The following TTC3 variants were observed in gnomAD, a reference collection of about 807,000 sequenced individuals.
TTC3 encodes tetratricopeptide repeat domain 3.
Under a neutral mutation model 249.6 loss-of-function variants are expected in TTC3, and 180 were observed. That is an observed-to-expected ratio of 0.72 (90% confidence interval 0.64 to 0.82). The LOEUF (loss-of-function observed/expected upper bound fraction) is 0.82, where lower values mean the gene tolerates loss of function less well. Ranked by LOEUF, TTC3 falls within the 40% of genes least tolerant of loss-of-function variation. TTC3 has a pLI of 0.00. For synonymous variants in TTC3, 717 were observed against 805.0 expected (o/e 0.89, Z 1.85); for missense variants, 2,061 against 2,398.4 (o/e 0.86, Z 2.94).
intron 20 of TTC3, among the ~76,000 whole-genome samples, chr21:37,142,079 T>C (rs1417347874): frequency 1.3e-5 from 2 of 152,080 alleles, no homozygotes; most frequent in African/African-American, 4.8e-5. Context: ...CTCAATAAAT[T>C]AGGTATTGAT....
exon 46 of TTC3, chr21:37,201,515 C>T: frequency 6.2e-7 from 1 of 1,614,012 alleles, no homozygotes; most frequent in Non-Finnish European, 8.5e-7. Context: ...AGAAGAGTCA[C>T]CTTCTGGAAG....
intron 11 of TTC3, among the ~76,000 whole-genome samples, chr21:37,113,983 A>T (rs544258094): frequency 6.6e-6 from 1 of 152,364 alleles, no homozygotes; most frequent in Non-Finnish European, 1.5e-5. Flanking sequence ...CTGGCCAACC[A>T]TATGTAGAAA....
intron 27 of TTC3, among the ~76,000 whole-genome samples, chr21:37,154,637 A>G (rs1355047912): frequency 6.6e-6 from 1 of 152,138 alleles, no homozygotes; most frequent in Non-Finnish European, 1.5e-5. Flanking sequence ...TGAGCCCTCC[A>G]GCTCACTGGC....
At chr21:37,151,820 T>C in intron 25 of TTC3, 73 bp from the exon 26 acceptor site, 4 of 1,443,504 alleles carry the variant, frequency 2.8e-6, no homozygotes, top group Non-Finnish European at 2.7e-6. Flanking sequence ...AATATATTGC[T>C]TGGAAGATGG....
chr21:37,170,644 A>G (rs1409846103), intron 34 of TTC3, among the ~76,000 whole-genome samples: 1 of 152,202 alleles, frequency 6.6e-6, no homozygotes, highest in Non-Finnish European at 1.5e-5. Flanking sequence ...AAGCAGTTCT[A>G]TAGTTAGATA....
chr21:37,176,391 T>C (rs1569148958), intron 35 of TTC3, among the ~76,000 whole-genome samples: 1 of 152,208 alleles, frequency 6.6e-6, no homozygotes, highest in Admixed American at 6.5e-5. Context: ...CCAGGACATA[T>C]GGTCTTAAGG....
chr21:37,165,208 T>G (rs901055461), intron 32 of TTC3, among the ~76,000 whole-genome samples: 1 of 152,228 alleles, frequency 6.6e-6, no homozygotes, highest in Non-Finnish European at 1.5e-5. Context: ...AAATTCTTAT[T>G]GGCATTATTA....
chr21:37,080,690 T>G (rs1199707344), intron 1 of TTC3, among the ~76,000 whole-genome samples: 1 of 152,304 alleles, frequency 6.6e-6, no homozygotes, highest in Middle Eastern at 3.4e-3. Context: ...GGCTCGAACC[T>G]TTACTATATT....
At position 37,197,878 on chromosome 21, in the gene TTC3, G is replaced by T. The variant is rs113461593; in HGVS notation, c.5707-4G>T. 3.7e-6 allele frequency: 6 copies of T among 1,608,484 alleles called. No individual in the cohort carries two copies. The highest frequency in any genetic ancestry group is 1.7e-5 in the Admixed American group (1 of 58,366). On this transcript the variant is annotated splice_region_variant and splice_polypyrimidine_tract_variant and intron_variant, in intron 43 of 45. Transcript: ENST00000355666. ...CCTCCCCGCCACCCCTGTTATTTTC[G>T]CAGCCAAACCCAGGAAAGGACAAGA...
chr21:37,137,214 T>C (rs889839088), intron 18 of TTC3, among the ~76,000 whole-genome samples: 3 of 152,228 alleles, frequency 2.0e-5, no homozygotes, highest in Admixed American at 6.5e-5. Flanking sequence ...AGGAGTCATT[T>C]TGACTTTCAA....
At chr21:37,135,475 T>C in exon 18 of TTC3, 1 of 1,614,092 alleles carries the variant, frequency 6.2e-7, no homozygotes. Context: ...CACAGGCCTT[T>C]ACAGAGTTGC....
intron 1 of TTC3, among the ~76,000 whole-genome samples, chr21:37,085,094 G>A (rs2072267498): frequency 6.6e-6 from 1 of 152,210 alleles, no homozygotes; most frequent in African/African-American, 2.4e-5. Context: ...AGTGAGATTC[G>A]CTAGGCTTGA....
chr21:37,197,431 T>C (rs1330965533), intron 42 of TTC3, 139 bp from the exon 43 acceptor site: 4 of 1,018,932 alleles, frequency 3.9e-6, no homozygotes, highest in Non-Finnish European at 5.9e-6. Flanking sequence ...TTATTGTTGT[T>C]ATCAGTGGTC....
chr21:37,201,491 C>A (rs1305077584), exon 46 of TTC3: 2 of 1,614,004 alleles, frequency 1.2e-6, no homozygotes, highest in Admixed American at 1.7e-5. Flanking sequence ...CTGCCAGGGT[C>A]GTGATCTCCT....
chr21:37,073,736 G>C (rs2070375706), intron 1 of TTC3, among the ~76,000 whole-genome samples: 1 of 152,152 alleles, frequency 6.6e-6, no homozygotes, highest in South Asian at 2.1e-4. Flanking sequence ...AGGCGCTCGC[G>C]TGTCGCCTCG....
At chr21:37,140,495 T>C (rs576663830) in intron 19 of TTC3, 66 bp from the exon 20 acceptor site, 109 of 1,133,934 alleles carry the variant, frequency 9.6e-5, no homozygotes, top group Non-Finnish European at 1.3e-4. Flanking sequence ...AATCAACCTT[T>C]AGATAAAATT....
intron 27 of TTC3, among the ~76,000 whole-genome samples, chr21:37,156,052 T>C (rs1315820868): frequency 6.6e-6 from 1 of 151,970 alleles, no homozygotes; most frequent in African/African-American, 2.4e-5. Flanking sequence ...GTTTTTTTTT[T>C]TAGAGATAGG....
chr21:37,195,611 C>A, intron 41 of TTC3, 64 bp from the exon 42 acceptor site: 2 of 1,528,480 alleles, frequency 1.3e-6, no homozygotes, highest in East Asian at 4.5e-5. Context: ...CGGCCTTTGT[C>A]CTTGGGCGTT....
chr21:37,125,137 T>C (rs931705743), intron 14 of TTC3, among the ~76,000 whole-genome samples: 1 of 152,104 alleles, frequency 6.6e-6, no homozygotes, highest in African/African-American at 2.4e-5. Flanking sequence ...TGGAATTGTA[T>C]TGAGCATTTC....
Sources: gnomAD v4.1 joint callset for allele counts (sites outside exome capture counted in the v4.1 genomes callset) on GRCh38, gnomAD v4.1.1 for gene constraint, MANE v1.5 for transcripts, NCBI Gene and HGNC (gene_info 2026-07-23, HGNC 2026-07-21) for gene names.